The following EBAG9 variants were observed in gnomAD, a reference collection of about 807,000 sequenced individuals.
EBAG9 encodes the protein receptor-binding cancer antigen expressed on SiSo cells.
In EBAG9, 16 loss-of-function variants were observed where a neutral mutation model predicts 30.9. The ratio of observed to expected loss-of-function variants is 0.52; its 90% CI spans 0.35 to 0.79. EBAG9 has a LOEUF of 0.79. Ranked by LOEUF, EBAG9 falls within the 30% of genes least tolerant of loss-of-function variation. EBAG9 has a pLI of 0.01. For synonymous variants in EBAG9, 93 were observed against 82.8 expected (o/e 1.12, Z -0.67); for missense variants, 197 against 242.1 (o/e 0.81, Z 1.24).
intron 4 of EBAG9, among the ~76,000 whole-genome samples, chr8:109,556,169 T>C (rs920355468): frequency 1.3e-5 from 2 of 151,732 alleles, no homozygotes; most frequent in African/African-American, 4.8e-5. Context: ...ATTTTTATCA[T>C]ATATATATAT....
chr8:109,562,860 G>A (rs1045838692), intron 6 of EBAG9, among the ~76,000 whole-genome samples: 2 of 151,876 alleles, frequency 1.3e-5, no homozygotes, highest in Non-Finnish European at 2.9e-5. Context: ...TGAGCATCAG[G>A]TAGGCCCTCA....
chr8:109,553,094 T>G (rs1418986658), intron 2 of EBAG9, among the ~76,000 whole-genome samples: 1 of 152,024 alleles, frequency 6.6e-6, no homozygotes, highest in Non-Finnish European at 1.5e-5. Context: ...TTATTTGAAG[T>G]GAAGTAAATG....
chr8:109,561,909 T>G (rs1189705688), intron 6 of EBAG9, among the ~76,000 whole-genome samples: 2 of 149,648 alleles, frequency 1.3e-5, no homozygotes, highest in Non-Finnish European at 3.0e-5. Flanking sequence ...TTTTTTTTTT[T>G]GCAGGTTAGG....
chr8:109,541,596 C>T (rs776835479), intron 1 of EBAG9, among the ~76,000 whole-genome samples: 9 of 152,142 alleles, frequency 5.9e-5, no homozygotes, highest in Non-Finnish European at 8.8e-5. Flanking sequence ...ACTATGTGCC[C>T]GGCTTTGACT....
At chr8:109,548,316 G>C (rs1821426433) in intron 1 of EBAG9, among the ~76,000 whole-genome samples, 1 of 151,722 alleles carries the variant, frequency 6.6e-6, no homozygotes, top group Non-Finnish European at 1.5e-5. Context: ...ATATACGTGG[G>C]TCTATTCCTT....
At position 109,554,814 on chromosome 8, in the gene EBAG9, A is replaced by C. The variant is rs1021767532; in HGVS notation, c.248A>C (p.Gln83Pro). ...IEGGNGNVATQQNSLEQLEPD... is the reference protein window; with the variant it reads ...IEGGNGNVATPQNSLEQLEPD... Reference sequence around the variant, plus strand: ...GGAGGGAATGGGAATGTGGCAACACAACAAAATTCTTTGGAACAACTGGAA... The same window carrying C: ...GGAGGGAATGGGAATGTGGCAACACCACAAAATTCTTTGGAACAACTGGAA... Residue 83 changes from glutamine (Q) to proline (P), a missense_variant, in exon 4 of 7, where the codon CAA becomes CCA. By Grantham distance (76) the Gln-to-Pro change is moderately conservative. Transcript: ENST00000337573. 2 of 1,613,870 alleles carry C rather than the reference A, an allele frequency of 1.2e-6. No individual in the cohort carries two copies. Among genetic ancestry groups the C allele is most frequent in the Non-Finnish European group, 1.7e-6 (2 of 1,179,834 alleles).
At chr8:109,558,751 A>G (rs978004676) in intron 5 of EBAG9, among the ~76,000 whole-genome samples, 1 of 152,210 alleles carries the variant, frequency 6.6e-6, no homozygotes, top group Admixed American at 6.5e-5. Flanking sequence ...ATATCTTACC[A>G]TTCATTCTAC....
At chr8:109,551,301 T>TA (rs879342435) in intron 2 of EBAG9, among the ~76,000 whole-genome samples, 91 of 151,050 alleles carry the variant, frequency 6.0e-4, no homozygotes, top group African/African-American at 1.1e-3. Context: ...TTTTTATATT[T>TA]AAAAAAAAAT....
chr8:109,564,488 A>T lies in EBAG9; in HGVS notation c.571A>T (p.Lys191Ter), dbSNP rs1175334016. Residue 191 changes from lysine to a stop codon, truncating the protein, a stop_gained, in exon 7 of 7, where the codon AAG (lysine) becomes TAG (stop). Coordinates refer to ENST00000337573, the MANE Select transcript of EBAG9 (RefSeq NM_004215.5). LOFTEE classifies it high-confidence loss of function. ...REKRAAEQQR[K>*]KMEKEAQRLM... ...AAAGAGAGCAGCCGAACAACAAAGGAAGAAAATGGAAAAGGAAGCACAACG... is the reference window on the plus strand; with the variant it reads ...AAAGAGAGCAGCCGAACAACAAAGGTAGAAAATGGAAAAGGAAGCACAACG... 6.2e-7 allele frequency: 1 copy of T among 1,612,904 alleles called. No individual in the cohort carries two copies. Among genetic ancestry groups the T allele is most frequent in the Non-Finnish European group, 8.5e-7 (1 of 1,179,210 alleles).
intron 5 of EBAG9, 105 bp from the exon 6 acceptor site, chr8:109,560,733 A>C (rs896207458): frequency 3.9e-6 from 3 of 771,038 alleles, no homozygotes; most frequent in African/African-American, 3.5e-5. Flanking sequence ...AAGACATAGG[A>C]GAATGACAGG....
intron 6 of EBAG9, among the ~76,000 whole-genome samples, chr8:109,562,507 C>T (rs1821731135): frequency 6.6e-6 from 1 of 151,940 alleles, no homozygotes; most frequent in Non-Finnish European, 1.5e-5. Flanking sequence ...AAAGTGTATC[C>T]ACATTCCGTA....
At chr8:109,551,213 C>T (rs889843934) in intron 2 of EBAG9, among the ~76,000 whole-genome samples, 3 of 151,510 alleles carry the variant, frequency 2.0e-5, no homozygotes, top group Non-Finnish European at 4.4e-5. Context: ...TTGATGTATT[C>T]GTTTCATTAT....
chr8:109,563,728 T>TA (rs1264131060), intron 6 of EBAG9, among the ~76,000 whole-genome samples: 1 of 152,046 alleles, frequency 6.6e-6, no homozygotes, highest in Admixed American at 6.6e-5. Context: ...TTTTTCCTGA[T>TA]CCTCTCCCTC....
chr8:109,555,361 AT>A (rs1282619143), intron 4 of EBAG9, among the ~76,000 whole-genome samples: 1 of 151,908 alleles, frequency 6.6e-6, no homozygotes, highest in African/African-American at 2.4e-5. Flanking sequence ...TATGTGCCAC[AT>A]TTTCTTAATC....
chr8:109,540,765 T>C (rs1333667178), intron 1 of EBAG9: 1 of 152,240 alleles, frequency 6.6e-6, no homozygotes, highest in African/African-American at 2.4e-5. Flanking sequence ...CTTTGTAATA[T>C]TTTCTAACCC....
chr8:109,551,716 G>A (rs1821497828), intron 2 of EBAG9, among the ~76,000 whole-genome samples: 1 of 151,984 alleles, frequency 6.6e-6, no homozygotes, highest in African/African-American at 2.4e-5. Context: ...AGGATTTTAG[G>A]TTGTAATTAA....
In EBAG9 at chr8:109,541,035, CT is replaced by C. The variant is rs1284177210; in HGVS notation, c.-16+581del. On this transcript the variant is annotated intron_variant, in intron 1 of 6. Transcript: ENST00000337573. Reference sequence around the variant, plus strand: ...ATCTATCAGTTTCTAATGTAGCATTCTTTTTTTAATTGTATTTTTTTTCCGT... The same window carrying C: ...ATCTATCAGTTTCTAATGTAGCATTCTTTTTTAATTGTATTTTTTTTCCGT... 3.9e-5 allele frequency among the ~76,000 whole-genome samples: 6 copies of C among 151,984 alleles called. No individual in the cohort carries two copies. The East Asian group carries it at 9.7e-4, about 24-fold the overall frequency.
rs138963023 is a variant in EBAG9, at chr8:109,548,938, T to C, written c.-15-1872T>C. Among the ~76,000 whole-genome samples, 533 of 150,068 alleles carry C rather than the reference T, an allele frequency of 3.6e-3. 3 individuals are homozygous for C. The highest frequency in any genetic ancestry group is 0.012 in the African/African-American group (502 of 40,792). Reference sequence around the variant, plus strand: ...GCATTGGCCAGAACTTCCACTACGATGTTGACTAAAAGTAGAAAAAGCAGA... The same window carrying C: ...GCATTGGCCAGAACTTCCACTACGACGTTGACTAAAAGTAGAAAAAGCAGA... On this transcript the variant is annotated intron_variant, in intron 1 of 6. Coordinates refer to ENST00000337573, the MANE Select transcript of EBAG9 (RefSeq NM_004215.5).
intron 4 of EBAG9, among the ~76,000 whole-genome samples, chr8:109,555,142 C>T (rs1338940250): frequency 6.6e-6 from 1 of 151,042 alleles, no homozygotes; most frequent in Non-Finnish European, 1.5e-5. Context: ...TCTCCCCCAA[C>T]CCCACAACAG....
Sources: allele counts gnomAD v4.1 joint callset (sites outside exome capture counted in the v4.1 genomes callset), GRCh38; gene constraint gnomAD v4.1.1; transcripts MANE v1.5; gene names NCBI Gene and HGNC (gene_info 2026-07-23, HGNC 2026-07-21).